COL4A4: variants seen among roughly 807,000 people sequenced by gnomAD.
COL4A4 encodes the protein collagen type IV alpha 4 chain, also known as collagen alpha-4(IV) chain.
Under a neutral mutation model 192.9 loss-of-function variants are expected in COL4A4, and 105 were observed. The ratio of observed to expected loss-of-function variants is 0.54; its 90% CI spans 0.46 to 0.64. The LOEUF (loss-of-function observed/expected upper bound fraction) is 0.64, where lower values mean the gene tolerates loss of function less well. Ranked by LOEUF, COL4A4 falls within the 30% of genes least tolerant of loss-of-function variation. The pLI is 0.00. For synonymous variants in COL4A4, 762 were observed against 769.9 expected (o/e 0.99, Z 0.17); for missense variants, 1,967 against 2,169.3 (o/e 0.91, Z 1.85).
chr2:227,106,846 G>A (rs1435607961), intron 12 of COL4A4, among the ~76,000 whole-genome samples: 1 of 152,220 alleles, frequency 6.6e-6, no homozygotes, highest in Non-Finnish European at 1.5e-5. Context: ...GATTACAGGC[G>A]TGAGCCACTG....
intron 4 of COL4A4, among the ~76,000 whole-genome samples, chr2:227,136,421 T>A (rs1418180198): frequency 6.6e-6 from 1 of 152,142 alleles, no homozygotes; most frequent in African/African-American, 2.4e-5. Context: ...AATATTCAGA[T>A]TATCTTCAAG....
rs373573382 is a variant in COL4A4 at position 227,041,836 on chromosome 2, GAA to G, written c.3505+310_3505+311del. ...AGAAAGAAAGAAAGAAAGAAAGAAA[GAA>G]AGAAAGAAAGAGAAAGAAAGAAAGA... On this transcript the variant is annotated intron_variant, in intron 37 of 47. Transcript: ENST00000396625. Among the ~76,000 whole-genome samples, 5,256 of 49,246 alleles carry G rather than the reference GAA, an allele frequency of 0.11. 499 individuals carry two copies. Among genetic ancestry groups the G allele is most frequent in the South Asian group, 0.11 (122 of 1,090 alleles). The allele number at this position is 49,246 out of a possible 152,430, so 32.3% of individuals were successfully genotyped here.
chr2:227,013,765 T>C (rs1964306613), intron 44 of COL4A4, among the ~76,000 whole-genome samples: 1 of 152,178 alleles, frequency 6.6e-6, no homozygotes, highest in South Asian at 2.1e-4. Flanking sequence ...GGGGCTTGCT[T>C]AAGTGGCTTT....
chr2:227,058,789 T>C (rs974925796), intron 28 of COL4A4, among the ~76,000 whole-genome samples: 2 of 152,234 alleles, frequency 1.3e-5, no homozygotes, highest in East Asian at 3.9e-4. Flanking sequence ...CCACCCCCAC[T>C]TGGTTATTTT....
At chr2:227,118,588 C>A in intron 7 of COL4A4, 57 bp downstream of exon 7, 2 of 1,288,826 alleles carry the variant, frequency 1.6e-6, no homozygotes, top group Admixed American at 1.7e-5. Context: ...CAAGCCTGTT[C>A]CACCACAGGG....
At chr2:227,071,028 A>G (rs1413204008) in intron 25 of COL4A4, among the ~76,000 whole-genome samples, 1 of 152,128 alleles carries the variant, frequency 6.6e-6, no homozygotes, top group Non-Finnish European at 1.5e-5. Context: ...TCTGGGTAAC[A>G]ATTAACATGA....
chr2:227,041,852 A>AAGAAAGAAAGAGAGAGAGAGAGAG (rs1971344345), intron 37 of COL4A4, among the ~76,000 whole-genome samples: 1 of 71,366 alleles, frequency 1.4e-5, no homozygotes, highest in Non-Finnish European at 2.8e-5. Context: ...AAGAAAGAGA[A>AAGAAAGAAAGAGAGAGAGAGAGAG]AGAAAGAAAG....
rs1025601519 is a variant in COL4A4 at position 227,012,229 on chromosome 2, G to A, written c.4285C>T (p.Pro1429Ser). Residue 1429 changes from proline (P) to serine (S), a missense_variant, in exon 45 of 48, where the codon CCC (proline) becomes TCC (serine). By Grantham distance (74) the Pro-to-Ser change is moderately conservative (BLOSUM62 -1). Coordinates refer to ENST00000396625, the MANE Select transcript of COL4A4 (RefSeq NM_000092.5). ...TCTCCTGTGTCACCTTTACGTCCGGGAGGCCCAGGAGACCCAGGGACGCCA... is the reference window on the plus strand; with the variant it reads ...TCTCCTGTGTCACCTTTACGTCCGGAAGGCCCAGGAGACCCAGGGACGCCA... ...VDGVPGSPGP[P>S]GRKGDTGEDG... The A allele has an allele frequency of 5.6e-6, 9 of 1,613,966 alleles. No individual in the cohort carries two copies. Among genetic ancestry groups the A allele is most frequent in the Non-Finnish European group, 7.6e-6 (9 of 1,180,014 alleles).
chr2:227,101,908 C>G lies in COL4A4; in HGVS notation c.932G>C (p.Gly311Ala). 1 of 1,596,628 alleles carries G rather than the reference C, an allele frequency of 6.3e-7. No homozygotes were observed. Residue 311 changes from glycine to alanine, a missense_variant and splice_region_variant, in exon 16 of 48, where the codon GGG becomes GCG. Transcript: ENST00000396625. ...TGGAGATCCATAGGAACCAGGATCC[C>G]CCTAATAAATTCACAAAAATCAGGA... ...KGIPGFPGPRGDPGSYGSPGF... is the reference protein window; with the variant it reads ...KGIPGFPGPRADPGSYGSPGF...
At chr2:227,129,982 G>A (rs1406274029) in intron 4 of COL4A4, among the ~76,000 whole-genome samples, 2 of 152,008 alleles carry the variant, frequency 1.3e-5, no homozygotes, top group Non-Finnish European at 2.9e-5. Context: ...CAACCAGTCA[G>A]CCACTGGGTG....
intron 4 of COL4A4, among the ~76,000 whole-genome samples, chr2:227,133,877 A>C (rs1457379245): frequency 6.8e-6 from 1 of 146,672 alleles, no homozygotes; most frequent in African/African-American, 2.5e-5. Context: ...AATGAGAGAG[A>C]CTCCATCTCA....
At chr2:227,135,147 A>G (rs1427427551) in intron 4 of COL4A4, among the ~76,000 whole-genome samples, 1 of 152,182 alleles carries the variant, frequency 6.6e-6, no homozygotes. Flanking sequence ...GCCTGGTCAC[A>G]AGTCATTTGG....
intron 4 of COL4A4, among the ~76,000 whole-genome samples, chr2:227,133,460 G>A (rs1262408274): frequency 1.3e-5 from 2 of 152,226 alleles, no homozygotes; most frequent in Admixed American, 6.5e-5. Context: ...ATGTTAGTTA[G>A]TTGGAGTTAT....
At chr2:226,991,997 G>A in the COL4A4 span, among the ~76,000 whole-genome samples, 1 of 152,134 alleles carries the variant, frequency 6.6e-6, no homozygotes, top group Non-Finnish European at 1.5e-5. Context: ...CCACCCCAAG[G>A]AAGCTTGTCC....
intron 6 of COL4A4, 87 bp from the exon 7 acceptor site, chr2:227,118,848 A>T (rs1201004631): frequency 2.3e-6 from 2 of 852,802 alleles, no homozygotes; most frequent in Non-Finnish European, 4.0e-6. Context: ...AAATTATGGC[A>T]ATTGTGATTC....
chr2:226,994,583 T>G, the COL4A4 span, among the ~76,000 whole-genome samples: 1 of 152,198 alleles, frequency 6.6e-6, no homozygotes, highest in African/African-American at 2.4e-5. Flanking sequence ...TTGGTCCCCA[T>G]GCTTAGAAGT....
chr2:227,109,352 G>C, intron 9 of COL4A4, 66 bp from the exon 10 acceptor site: 1 of 1,272,364 alleles, frequency 7.9e-7, no homozygotes, highest in Non-Finnish European at 1.2e-6. Context: ...AGAAAGAGTT[G>C]CGTGTGATCC....
chr2:227,061,431 A>C (rs375732706), intron 26 of COL4A4, among the ~76,000 whole-genome samples: 28 of 152,186 alleles, frequency 1.8e-4, no homozygotes, highest in African/African-American at 6.5e-4. Flanking sequence ...GCCCTCTTGC[A>C]TTTCTGCAAT....
At chr2:227,061,445 A>T (rs147838268) in intron 26 of COL4A4, among the ~76,000 whole-genome samples, 1 of 152,318 alleles carries the variant, frequency 6.6e-6, no homozygotes, top group East Asian at 1.9e-4. Context: ...CTGCAATCAC[A>T]TGAGAAAAGC....
Sources: gnomAD v4.1 joint callset for allele counts (sites outside exome capture counted in the v4.1 genomes callset) on GRCh38, gnomAD v4.1.1 for gene constraint, MANE v1.5 for transcripts, NCBI Gene and HGNC (gene_info 2026-07-23, HGNC 2026-07-21) for gene names.